The following STX3 variants were observed in gnomAD, a reference collection of about 807,000 sequenced individuals.
STX3 encodes syntaxin 3.
A neutral mutation model predicts 40.2 loss-of-function variants in STX3; 19 were observed. The observed-to-expected ratio is 0.47, with a 90% CI of 0.33 to 0.69. The LOEUF (loss-of-function observed/expected upper bound fraction) is 0.69. STX3 is among the 30% of genes least tolerant of loss of function. The probability of loss-of-function intolerance (pLI) is 0.02; values close to 1 mark genes in which losing one functional copy is unlikely to be tolerated. For missense variants in STX3, 364 were observed against 366.7 expected, an observed-to-expected ratio of 0.99 and a Z score of 0.06; for synonymous variants, 122 against 132.2, an observed-to-expected ratio of 0.92 and a Z score of 0.53.
chr11:59,755,647 C>T lies in STX3; in HGVS notation c.30+12C>T, dbSNP rs199563753. ...AGCAGCTGAAGGCCGTGAGTTTCGC[C>T]GCAGGCGGGGTGCTGCCAGGAGGGG... On this transcript the variant is annotated intron_variant, in intron 1 of 10. Transcript: ENST00000337979. The T allele has an allele frequency of 4.6e-4, 725 of 1,592,024 alleles. 6 individuals carry two copies. In the African/African-American group the frequency reaches 8.6e-3, roughly 19 times the overall value.
chr11:59,774,388 A>G (rs950492026), intron 2 of STX3, among the ~76,000 whole-genome samples: 2 of 150,260 alleles, frequency 1.3e-5, no homozygotes, highest in Admixed American at 1.3e-4. Flanking sequence ...GCAGTGAGCT[A>G]TGATCATGCC....
At chr11:59,791,245 A>C (rs1459645463) in intron 5 of STX3, among the ~76,000 whole-genome samples, 1 of 152,178 alleles carries the variant, frequency 6.6e-6, no homozygotes, top group East Asian at 1.9e-4. Flanking sequence ...GGGTAGACGT[A>C]AGGGGCAGAC....
At position 59,798,581 on chromosome 11, in the gene STX3, G is replaced by A. The variant is rs1017035408; in HGVS notation, c.*30+1185G>A. ...GTCCCCCAGGCTGGAGTGCAGTGGC[G>A]CGATCTCAGCTCACTGCAGCCTCCG... is the stretch of plus-strand genomic sequence containing the variant. On this transcript the variant is annotated intron_variant, in intron 10 of 10. Transcript: ENST00000337979. 1.0e-4 allele frequency among the ~76,000 whole-genome samples: 15 copies of A among 145,516 alleles called. No individual in the cohort carries two copies. In the South Asian group the frequency reaches 1.3e-3, roughly 13 times the overall value.
At chr11:59,780,879 AAC>A (rs916980020) in intron 2 of STX3, among the ~76,000 whole-genome samples, 27 of 152,320 alleles carry the variant, frequency 1.8e-4, no homozygotes, top group African/African-American at 6.5e-4. Flanking sequence ...GCAAAGCCCC[AAC>A]ACACTTAATT....
chr11:59,787,020 T>C lies in STX3; in HGVS notation c.115-17T>C. The C allele has an allele frequency of 1.2e-6, 2 of 1,607,872 alleles. No homozygotes were observed. Among genetic ancestry groups the C allele is most frequent in the Non-Finnish European group, 1.7e-6 (2 of 1,174,444 alleles). ...CTTCCTCTTTGATGATGAAGGTTAT[T>C]GTCTTTCTGATTATAGATTGAGGAA... On this transcript the variant is annotated splice_polypyrimidine_tract_variant and intron_variant, in intron 2 of 10. Transcript: ENST00000337979.
In STX3 at chr11:59,800,599, C is replaced by G; in HGVS notation, c.*31-256C>G. 8 of 985,442 alleles carry G rather than the reference C, an allele frequency of 8.1e-6. 1 individual carries two copies. In the South Asian group the frequency reaches 3.8e-4, roughly 46 times the overall value. The allele number at this position is 985,442 out of a possible 1,614,324, so 61.0% of individuals were successfully genotyped here. ...AGGGATTGTCCCTTCCCACCACGTC[C>G]TTCCATGGGTGTGGACAGCCTGTGA... On this transcript the variant is annotated intron_variant, in intron 10 of 10. Coordinates refer to ENST00000337979, the MANE Select transcript of STX3 (RefSeq NM_004177.5).
chr11:59,793,347 G>T, intron 7 of STX3, 33 bp from the exon 8 acceptor site: 3 of 1,605,602 alleles, frequency 1.9e-6, no homozygotes, highest in Non-Finnish European at 2.6e-6. Flanking sequence ...TTCTTGCAGG[G>T]GTAGCTAACA....
At chr11:59,760,311 A>AT (rs759557093) in intron 1 of STX3, among the ~76,000 whole-genome samples, 3 of 151,848 alleles carry the variant, frequency 2.0e-5, no homozygotes, top group Non-Finnish European at 4.4e-5. Context: ...TCCAAAACTC[A>AT]TTTTTTATAG....
chr11:59,797,376 A>C lies in STX3; in HGVS notation c.*10A>C. ...CGTTGGGCTGAATTAAGAGTGGCCT[A>C]AGAGGCTGCTGCACTGAAATGTAAG... On this transcript the variant is annotated 3_prime_UTR_variant, in exon 10 of 11. Transcript: ENST00000337979. 1 of 1,614,056 alleles carries C rather than the reference A, an allele frequency of 6.2e-7. No homozygotes were observed. Among genetic ancestry groups the C allele is most frequent in the Non-Finnish European group, 8.5e-7 (1 of 1,179,946 alleles).
intron 1 of STX3, among the ~76,000 whole-genome samples, chr11:59,761,544 A>G (rs541138455): frequency 2.0e-5 from 3 of 152,276 alleles, no homozygotes; most frequent in African/African-American, 7.2e-5. Flanking sequence ...GAATGGGGAT[A>G]TTCTGTAAAT....
In STX3 at chr11:59,803,343, T is replaced by C. The variant is rs1430635458; in HGVS notation, c.*2519T>C. The C allele has an allele frequency of 8.3e-7, 1 of 1,198,560 alleles. No homozygotes were observed. The highest frequency in any genetic ancestry group is 1.0e-6 in the Non-Finnish European group (1 of 958,004). 74.2% of individuals were successfully genotyped at this position (1,198,560 alleles called of 1,614,324 possible). ...AGGGTCAGACCTTCTTTCACTGACTTGAAACCTTTGTGTCTTGGGGGCACT... is the reference window on the plus strand; with the variant it reads ...AGGGTCAGACCTTCTTTCACTGACTCGAAACCTTTGTGTCTTGGGGGCACT... On this transcript the variant is annotated 3_prime_UTR_variant, in exon 11 of 11. Transcript: ENST00000337979.
chr11:59,763,656 G>A (rs1371104318), intron 1 of STX3, among the ~76,000 whole-genome samples: 2 of 152,222 alleles, frequency 1.3e-5, no homozygotes, highest in South Asian at 2.1e-4. Flanking sequence ...TATTGGAAAT[G>A]TAAGAACGCC....
rs1395109283 is a variant in STX3, at chr11:59,755,635, C to G, written c.30C>G (p.Ala10=). MKDRLEQLK[A]KQLTQDDDTD... Reference sequence around the variant, plus strand: ...AGGACCGTCTGGAGCAGCTGAAGGCCGTGAGTTTCGCCGCAGGCGGGGTGC... The same window carrying G: ...AGGACCGTCTGGAGCAGCTGAAGGCGGTGAGTTTCGCCGCAGGCGGGGTGC... Residue 10 remains alanine, a splice_region_variant and synonymous_variant, in exon 1 of 11, where the codon GCC becomes GCG. Coordinates refer to ENST00000337979, the MANE Select transcript of STX3 (RefSeq NM_004177.5). 1.3e-6 allele frequency: 2 copies of G among 1,593,308 alleles called. No homozygotes were observed. The highest frequency in any genetic ancestry group is 1.1e-5 in the South Asian group (1 of 90,788).
At chr11:59,800,639 G>A in intron 10 of STX3, 8 of 985,318 alleles carry the variant, frequency 8.1e-6, no homozygotes, top group Non-Finnish European at 9.6e-6. Context: ...GCTTATAAAA[G>A]GCCTAGAGGC....
rs971840141 is a variant in STX3 at position 59,755,388 on chromosome 11, C to G, written c.-218C>G. ...CGGCCCGGGAGCCGGATTTGGAGCG[C>G]GAGGCGCCGGTGGGGGCGGAGGGGG... is the stretch of plus-strand genomic sequence containing the variant. On this transcript the variant is annotated 5_prime_UTR_variant, in exon 1 of 11. Transcript: ENST00000337979. 19 of 377,796 alleles carry G rather than the reference C, an allele frequency of 5.0e-5. No individual in the cohort carries two copies. In the East Asian group the frequency reaches 8.0e-4, roughly 16 times the overall value. The allele number at this position is 377,796 out of a possible 1,614,324, so 23.4% of individuals were successfully genotyped here. A position where few individuals can be genotyped will look rare whatever the true frequency, so the allele number is the denominator to read the frequency against.
Position 59,799,865 on chromosome 11 carries a change from T to A in STX3, c.*31-990T>A, listed in dbSNP as rs186399283. 40 of 985,424 alleles carry A rather than the reference T, an allele frequency of 4.1e-5. 1 individual carries two copies. The allele number at this position is 985,424 out of a possible 1,614,324, so 61.0% of individuals were successfully genotyped here. A position where few individuals can be genotyped will look rare whatever the true frequency, so the allele number is the denominator to read the frequency against. ...GGCACTTGGAGTCTAGCCCTTGACT[T>A]TTTTGTATGTGAACTTTAAATTTTG... On this transcript the variant is annotated intron_variant, in intron 10 of 10. Coordinates refer to ENST00000337979, the MANE Select transcript of STX3 (RefSeq NM_004177.5).
intron 2 of STX3, among the ~76,000 whole-genome samples, chr11:59,776,318 TA>T (rs961540696): frequency 8.5e-5 from 13 of 152,190 alleles, no homozygotes; most frequent in Non-Finnish European, 4.4e-5. Flanking sequence ...TTTATGGATA[TA>T]AAATGAGAAA....
chr11:59,781,746 A>G, intron 2 of STX3: 3 of 1,567,086 alleles, frequency 1.9e-6, no homozygotes, highest in Non-Finnish European at 1.7e-6. Context: ...GCTGGCGTGC[A>G]GAGAGCAACA....
chr11:59,784,610 T>TCAAGGAGGAG (rs1264685259), intron 2 of STX3, among the ~76,000 whole-genome samples: 2 of 152,056 alleles, frequency 1.3e-5, no homozygotes, highest in African/African-American at 2.4e-5. Flanking sequence ...ATGGCAGAGG[T>TCAAGGAGGAG]CAAGGAGGAG....
Sources: gnomAD v4.1 joint callset for allele counts (sites outside exome capture counted in the v4.1 genomes callset) on GRCh38, gnomAD v4.1.1 for gene constraint, MANE v1.5 for transcripts, NCBI Gene and HGNC (gene_info 2026-07-23, HGNC 2026-07-21) for gene names.